The following CR1 variants were observed in gnomAD, a reference collection of about 807,000 sequenced individuals.
The protein encoded by CR1 is complement C3b/C4b receptor 1 (Knops blood group), also known as complement receptor type 1.
In CR1, 116 loss-of-function variants were observed where a neutral mutation model predicts 187.3. The ratio of observed to expected loss-of-function variants is 0.62; its 90% confidence interval spans 0.53 to 0.72. CR1 has a LOEUF of 0.72. Ranked by LOEUF, CR1 falls within the 30% of genes least tolerant of loss-of-function variation. CR1 has a pLI of 0.00. For missense variants in CR1, 1,731 were observed against 2,110.7 expected (o/e 0.82, Z 3.52); for synonymous variants, 576 against 747.1 (o/e 0.77, Z 3.73).
chr1:207,626,286 T>C (rs1163657950), intron 45 of CR1, among the ~76,000 whole-genome samples: 1 of 152,150 alleles, frequency 6.6e-6, no homozygotes, highest in Admixed American at 6.5e-5. Context: ...TAGCTAAAAC[T>C]GGGAAAAAGA....
intron 37 of CR1, among the ~76,000 whole-genome samples, chr1:207,611,036 CTTT>C (rs879913173): frequency 6.8e-6 from 1 of 146,358 alleles, no homozygotes. Context: ...TTCATTCTTT[CTTT>C]TTTTTTTTGT....
intron 3 of CR1, among the ~76,000 whole-genome samples, chr1:207,507,784 A>G (rs569747789): frequency 6.6e-6 from 1 of 152,288 alleles, no homozygotes; most frequent in Admixed American, 6.5e-5. Context: ...ATTTATCCAA[A>G]GGAATTGAAA....
intron 3 of CR1, 103 bp from the exon 4 acceptor site, chr1:207,511,466 G>T: frequency 8.6e-7 from 1 of 1,156,854 alleles, no homozygotes; most frequent in Admixed American, 1.9e-5. Context: ...AGTGTAAAAA[G>T]TCCCTCTGAA....
At chr1:207,638,670 G>A (rs369655278) in intron 46 of CR1, among the ~76,000 whole-genome samples, 31 of 152,178 alleles carry the variant, frequency 2.0e-4, no homozygotes, top group African/African-American at 4.8e-4. Context: ...TAATAATTGC[G>A]CAATCCTGTC....
In CR1 at chr1:207,595,574, A is replaced by G. The variant is rs536355744; in HGVS notation, c.5810+6800A>G. On this transcript the variant is annotated intron_variant, in intron 35 of 46. Coordinates refer to ENST00000367049, the MANE Select transcript of CR1 (RefSeq NM_000651.6). ...GTTAGTGTTTGAGAGGAAATATTGTACAATAAAATTTCTGTACTCGGCCAA... is the reference window on the plus strand; with the variant it reads ...GTTAGTGTTTGAGAGGAAATATTGTGCAATAAAATTTCTGTACTCGGCCAA... Among the ~76,000 whole-genome samples the G allele has an allele frequency of 2.6e-5, 4 of 152,254 alleles. No individual in the cohort carries two copies. The South Asian group carries it at 6.2e-4, about 24-fold the overall frequency.
intron 28 of CR1, among the ~76,000 whole-genome samples, chr1:207,577,105 G>A (rs1157827121): frequency 6.6e-6 from 1 of 151,762 alleles, no homozygotes; most frequent in Non-Finnish European, 1.5e-5. Context: ...ACAAAAGTTA[G>A]CCGAGTTTGG....
At chr1:207,594,395 T>C (rs1462610783) in intron 35 of CR1, among the ~76,000 whole-genome samples, 1 of 151,518 alleles carries the variant, frequency 6.6e-6, no homozygotes, top group Non-Finnish European at 1.5e-5. Flanking sequence ...TAAGTGGGAG[T>C]TGAACAATGA....
At chr1:207,581,035 C>T (rs1004457059) in intron 31 of CR1, among the ~76,000 whole-genome samples, 5 of 151,664 alleles carry the variant, frequency 3.3e-5, no homozygotes, top group Non-Finnish European at 7.4e-5. Flanking sequence ...TTTTGGAAAA[C>T]GTGCAGCTTC....
intron 23 of CR1, among the ~76,000 whole-genome samples, chr1:207,565,477 G>C (rs564023815): frequency 1.3e-5 from 2 of 150,112 alleles, no homozygotes; most frequent in Admixed American, 6.6e-5. Context: ...GTCAGAGTTA[G>C]GAAGGCATTA....
rs532718474 is a variant in CR1 at position 207,599,889 on chromosome 1, C to A, written c.5811-7362C>A. 2.6e-5 allele frequency among the ~76,000 whole-genome samples: 4 copies of A among 152,252 alleles called. No homozygotes were observed. In the South Asian group the frequency reaches 8.3e-4, roughly 32 times the overall value. Reference sequence around the variant, plus strand: ...ATACTAAGTGAATATATAGGTTATACAATTACGTTGTTAAATTTCTGAAAA... The same window carrying A: ...ATACTAAGTGAATATATAGGTTATAAAATTACGTTGTTAAATTTCTGAAAA... On this transcript the variant is annotated intron_variant, in intron 35 of 46. Transcript: ENST00000367049.
intron 28 of CR1, among the ~76,000 whole-genome samples, chr1:207,577,280 TGGA>T (rs1660781398): frequency 1.3e-5 from 2 of 149,682 alleles, no homozygotes; most frequent in South Asian, 4.3e-4. Context: ...AAAAAACACA[TGGA>T]CTCTAATAAT....
intron 34 of CR1, among the ~76,000 whole-genome samples, chr1:207,587,932 G>C (rs1244718194): frequency 3.3e-5 from 5 of 152,226 alleles, no homozygotes; most frequent in Non-Finnish European, 7.3e-5. Context: ...AAAAGAATTA[G>C]AGAGAAAATT....
intron 43 of CR1, among the ~76,000 whole-genome samples, chr1:207,621,360 G>C (rs1358734608): frequency 2.0e-5 from 3 of 152,200 alleles, no homozygotes; most frequent in African/African-American, 7.2e-5. Flanking sequence ...TGATATTGTT[G>C]TGTGTTGAAG....
rs778842599 is a variant in CR1, at chr1:207,593,082, T to TAAAAAAAA, written c.5810+4309_5810+4310insAAAAAAAA. ...TTACCAATGGCTTTCTTCACAGAAT[T>TAAAAAAAA]ACAAAAAAAAAAAAAAAAAAACTAC... On this transcript the variant is annotated intron_variant, in intron 35 of 46. Coordinates refer to ENST00000367049, the MANE Select transcript of CR1 (RefSeq NM_000651.6). Among the ~76,000 whole-genome samples the TAAAAAAAA allele has an allele frequency of 3.2e-4, 19 of 59,926 alleles. 1 individual carries two copies. The highest frequency in any genetic ancestry group is 2.5e-3 in the African/African-American group (11 of 4,432). 39.3% of individuals were successfully genotyped at this position (59,926 alleles called of 152,430 possible).
In CR1 at chr1:207,577,792, G is replaced by A. The variant is rs576834620; in HGVS notation, c.4538-13G>A. On this transcript the variant is annotated splice_polypyrimidine_tract_variant and intron_variant, in intron 28 of 46. Transcript: ENST00000367049. The stretch of plus-strand genomic sequence containing the variant: ...AAGGTTTTGTTTTGGTTAACTTGCT[G>A]TCTCTTTTCCAGGAATTCCTTGTGG... 11 of 1,613,602 alleles carry A rather than the reference G, an allele frequency of 6.8e-6. No individual in the cohort carries two copies. The highest frequency in any genetic ancestry group is 4.4e-5 in the South Asian group (4 of 91,074).
Position 207,570,184 on chromosome 1 carries a change from GA to G in CR1, c.4451+245del, listed in dbSNP as rs1345422949. On this transcript the variant is annotated intron_variant, in intron 27 of 46. Transcript: ENST00000367049. ...AGTATGCTGTTCACTGGATGGGAAA[GA>G]AAAAAACTTAGAAGTGTAGTAGTCA... The G allele has an allele frequency of 1.7e-5, 9 of 535,814 alleles. 2 individuals carry two copies. The East Asian group carries it at 3.0e-4, about 18-fold the overall frequency. 33.2% of individuals were successfully genotyped at this position (535,814 alleles called of 1,614,324 possible). A position where few individuals can be genotyped will look rare whatever the true frequency, so the allele number is the denominator to read the frequency against.
chr1:207,598,534 C>T (rs920497257), intron 35 of CR1, among the ~76,000 whole-genome samples: 3 of 152,024 alleles, frequency 2.0e-5, no homozygotes, highest in African/African-American at 7.2e-5. Context: ...ATTATCCTGC[C>T]TCAGCCTGCC....
chr1:207,609,368 C>T lies in CR1; in HGVS notation c.5975C>T (p.Thr1992Met), dbSNP rs376660723. The T allele has an allele frequency of 1.2e-5, 20 of 1,613,828 alleles. No individual in the cohort carries two copies. Among genetic ancestry groups the T allele is most frequent in the African/African-American group, 5.3e-5 (4 of 74,914 alleles). ...AATAGAACATCTTTTCACAATGGAACGGTGGTAACTTACCAGTGCCACACT... is the reference window on the plus strand; with the variant it reads ...AATAGAACATCTTTTCACAATGGAATGGTGGTAACTTACCAGTGCCACACT... ...SNNRTSFHNG[T>M]VVTYQCHTGP... is the part of the protein sequence containing the mutation. The change falls in exon 37 of 47, where the codon ACG becomes ATG. Residue 1992 changes from threonine to methionine, a missense_variant. Thr to Met is a moderately conservative substitution (Grantham distance 81). Coordinates refer to ENST00000367049, the MANE Select transcript of CR1 (RefSeq NM_000651.6).
At chr1:207,594,515 ATGGT>A (rs1312367506) in intron 35 of CR1, among the ~76,000 whole-genome samples, 3 of 152,248 alleles carry the variant, frequency 2.0e-5, no homozygotes, top group African/African-American at 7.2e-5. Context: ...TGATGGGTTG[ATGGT>A]GCAGCAAACC....
Sources: allele counts gnomAD v4.1 joint callset (sites outside exome capture counted in the v4.1 genomes callset), GRCh38; gene constraint gnomAD v4.1.1; transcripts MANE v1.5; gene names NCBI Gene and HGNC (gene_info 2026-07-23, HGNC 2026-07-21).